Variants in NIPBL observed in about 807,000 individuals in gnomAD.
The protein encoded by NIPBL is nipped-B-like protein.
NIPBL carries 19 observed loss-of-function variants against 321.8 expected under a neutral mutation model. The observed-to-expected ratio is 0.06, with a 90% CI of 0.04 to 0.09. The LOEUF (loss-of-function observed/expected upper bound fraction) is 0.09, where lower values mean the gene tolerates loss of function less well. Ranked by LOEUF, NIPBL falls within the 10% of genes least tolerant of loss-of-function variation. The pLI, the probability that NIPBL is intolerant of heterozygous loss-of-function variation, is 1.00. For synonymous variants in NIPBL, 1,106 were observed against 1,114.1 expected, an observed-to-expected ratio of 0.99 and a Z score of 0.14; for missense variants, 2,210 against 3,327.0, an observed-to-expected ratio of 0.66 and a Z score of 8.26.
intron 32 of NIPBL, 118 bp downstream of exon 32, chr5:37,027,530 G>T: frequency 1.4e-6 from 1 of 719,662 alleles, no homozygotes. Flanking sequence ...CTTTTGGTAG[G>T]GAAAATTTAT....
At chr5:37,035,420 G>A (rs1305287142) in intron 32 of NIPBL, among the ~76,000 whole-genome samples, 1 of 152,252 alleles carries the variant, frequency 6.6e-6, no homozygotes, top group Non-Finnish European at 1.5e-5. Context: ...GGGGCAGTGT[G>A]TGTGTTATGT....
chr5:37,053,013 C>G (rs1461623256), intron 42 of NIPBL, among the ~76,000 whole-genome samples: 1 of 152,102 alleles, frequency 6.6e-6, no homozygotes, highest in Non-Finnish European at 1.5e-5. Context: ...TAGTAGTCCT[C>G]CCTTATCATT....
intron 42 of NIPBL, among the ~76,000 whole-genome samples, chr5:37,052,857 ACTAAT>A (rs1183444683): frequency 6.6e-6 from 1 of 152,076 alleles, no homozygotes; most frequent in Non-Finnish European, 1.5e-5. Flanking sequence ...ACATCACTAA[ACTAAT>A]CGCTTTGGGA....
At position 37,027,432 on chromosome 5, in the gene NIPBL, C is replaced by G; in HGVS notation, c.5862+20C>G. ...CAAAACGTGAGTGTTCTTTTGACTCCTGATAACCTAAAATTTAATAGGTTA... is the reference window on the plus strand; with the variant it reads ...CAAAACGTGAGTGTTCTTTTGACTCGTGATAACCTAAAATTTAATAGGTTA... On this transcript the variant is annotated intron_variant, in intron 32 of 46. Transcript: ENST00000282516. 1 of 1,597,228 alleles carries G rather than the reference C, an allele frequency of 6.3e-7. No individual in the cohort carries two copies. Among genetic ancestry groups the G allele is most frequent in the Non-Finnish European group, 8.6e-7 (1 of 1,166,104 alleles).
intron 1 of NIPBL, among the ~76,000 whole-genome samples, chr5:36,883,952 G>C (rs1298525263): frequency 6.6e-6 from 1 of 151,418 alleles, no homozygotes; most frequent in Non-Finnish European, 1.5e-5. Context: ...TTCTTCCTAG[G>C]GTTCTGCGTA....
At chr5:36,918,421 T>C (rs1748649181) in intron 1 of NIPBL, among the ~76,000 whole-genome samples, 1 of 152,184 alleles carries the variant, frequency 6.6e-6, no homozygotes, top group Non-Finnish European at 1.5e-5. Context: ...AAGGAGATTT[T>C]GGTCTGAGAT....
intron 1 of NIPBL, among the ~76,000 whole-genome samples, chr5:36,878,779 T>C (rs949001528): frequency 6.6e-6 from 1 of 152,236 alleles, no homozygotes; most frequent in African/African-American, 2.4e-5. Context: ...TTTAATGCTA[T>C]AAATCCGTGT....
chr5:36,929,599 T>C (rs1749625620), intron 1 of NIPBL, among the ~76,000 whole-genome samples: 1 of 152,138 alleles, frequency 6.6e-6, no homozygotes, highest in African/African-American at 2.4e-5. Context: ...TTATGGCTCA[T>C]GTTTTTGTTA....
intron 19 of NIPBL, 45 bp downstream of exon 19, chr5:37,008,133 C>A: frequency 8.1e-7 from 1 of 1,236,908 alleles, no homozygotes; most frequent in Non-Finnish European, 1.2e-6. Context: ...ACAAATAAAA[C>A]AATATTGATG....
chr5:37,060,645 G>A (rs1011004947), intron 44 of NIPBL, among the ~76,000 whole-genome samples, 199 bp from the exon 45 acceptor site: 1 of 152,068 alleles, frequency 6.6e-6, no homozygotes, highest in African/African-American at 2.4e-5. Flanking sequence ...TGGGGGTGGG[G>A]GAGCAACTAG....
chr5:36,952,018 C>CTCTGTG, intron 1 of NIPBL, among the ~76,000 whole-genome samples: 3 of 101,958 alleles, frequency 2.9e-5, no homozygotes, highest in African/African-American at 1.2e-4. Flanking sequence ...CTCTGTTAAA[C>CTCTGTG]TGTGTGTGTG....
chr5:37,009,140 C>T (rs1020808818), intron 20 of NIPBL, among the ~76,000 whole-genome samples: 5 of 151,920 alleles, frequency 3.3e-5, no homozygotes, highest in African/African-American at 1.2e-4. Context: ...TAATATGAAC[C>T]ACTAGTCAGT....
At chr5:36,917,871 C>T (rs1055387954) in intron 1 of NIPBL, among the ~76,000 whole-genome samples, 1 of 152,092 alleles carries the variant, frequency 6.6e-6, no homozygotes, top group Non-Finnish European at 1.5e-5. Flanking sequence ...CTGTTCTGTT[C>T]CATTGGTCTA....
chr5:36,886,448 A>G, intron 1 of NIPBL: 1 of 745,552 alleles, frequency 1.3e-6, no homozygotes, highest in Non-Finnish European at 2.4e-6. Flanking sequence ...TGGATAGTGG[A>G]TGGCAGAGTG....
chr5:36,883,958 G>A (rs1745691969), intron 1 of NIPBL, among the ~76,000 whole-genome samples: 1 of 151,646 alleles, frequency 6.6e-6, no homozygotes, highest in Admixed American at 6.6e-5. Flanking sequence ...CTAGGGTTCT[G>A]CGTATACCTC....
At chr5:37,043,334 C>G (rs1752645333) in intron 34 of NIPBL, among the ~76,000 whole-genome samples, 1 of 152,078 alleles carries the variant, frequency 6.6e-6, no homozygotes, top group African/African-American at 2.4e-5. Flanking sequence ...CCTAGACCAG[C>G]CTGGCCAAGA....
chr5:36,992,579 A>G (rs964142498), intron 10 of NIPBL, among the ~76,000 whole-genome samples: 8 of 151,944 alleles, frequency 5.3e-5, no homozygotes, highest in African/African-American at 1.5e-4. Flanking sequence ...CGGTGGTGCT[A>G]ATATAGCTCA....
intron 11 of NIPBL, among the ~76,000 whole-genome samples, chr5:36,998,985 CCTGTGA>C (rs1746474149): frequency 6.6e-6 from 1 of 152,130 alleles, no homozygotes; most frequent in Non-Finnish European, 1.5e-5. Context: ...GCTATCCAAG[CCTGTGA>C]CTGTAAAGAA....
chr5:37,007,487 G>T lies in NIPBL; in HGVS notation c.4239+13G>T, dbSNP rs750447976. 6.3e-7 allele frequency: 1 copy of T among 1,596,214 alleles called. No homozygotes were observed. The highest frequency in any genetic ancestry group is 1.7e-5 in the Admixed American group (1 of 59,518). ...AACAATTCTTCAGGTAAGATTTTTTGGTAAGCATTTTGTATATTTCTAAAC... is the reference window on the plus strand; with the variant it reads ...AACAATTCTTCAGGTAAGATTTTTTTGTAAGCATTTTGTATATTTCTAAAC... On this transcript the variant is annotated intron_variant, in intron 18 of 46. Coordinates refer to ENST00000282516, the MANE Select transcript of NIPBL (RefSeq NM_133433.4).
Sources: gnomAD v4.1 joint callset for allele counts (sites outside exome capture counted in the v4.1 genomes callset) on GRCh38, gnomAD v4.1.1 for gene constraint, MANE v1.5 for transcripts, NCBI Gene and HGNC (gene_info 2026-07-23, HGNC 2026-07-21) for gene names.